The following SLC30A7 variants were observed in gnomAD, a reference collection of about 807,000 sequenced individuals.
SLC30A7 encodes solute carrier family 30 member 7.
SLC30A7 carries 35 observed loss-of-function variants against 46.0 expected under a neutral mutation model. The observed-to-expected ratio is 0.76, with a 90% CI of 0.58 to 1.01. SLC30A7 has a LOEUF of 1.01. SLC30A7 is among the 50% of genes least tolerant of loss of function. SLC30A7 has a pLI of 0.00. For synonymous variants in SLC30A7, 147 were observed against 157.8 expected, an observed-to-expected ratio of 0.93 and a Z score of 0.51; for missense variants, 464 against 451.1, an observed-to-expected ratio of 1.03 and a Z score of -0.26.
Position 100,955,504 on chromosome 1 carries a change from C to A in SLC30A7, c.843-6324C>A, listed in dbSNP as rs1432437359. The stretch of plus-strand genomic sequence containing the variant: ...TTTTATTTATGATAGGGAAATGGTG[C>A]TTCATTGTGAATGCTAGAATTGGGT... On this transcript the variant is annotated intron_variant, in intron 8 of 10. Transcript: ENST00000357650. Among the ~76,000 whole-genome samples the A allele has an allele frequency of 2.0e-5, 3 of 152,158 alleles. No individual in the cohort carries two copies. The East Asian group carries it at 5.8e-4, about 29-fold the overall frequency.
Position 100,975,058 on chromosome 1 carries a change from C to T in SLC30A7, c.*201C>T. On this transcript the variant is annotated 3_prime_UTR_variant, in exon 11 of 11. Coordinates refer to ENST00000357650, the MANE Select transcript of SLC30A7 (RefSeq NM_133496.5). ...CAGATTTAAGAGGATATCTCCTGGA[C>T]TTTTGGTCTTTTCTTTTGTGCTCTT... The T allele has an allele frequency of 2.5e-6, 1 of 396,530 alleles. No individual in the cohort carries two copies. The allele number at this position is 396,530 out of a possible 1,614,324, so 24.6% of individuals were successfully genotyped here. A position where few individuals can be genotyped will look rare whatever the true frequency, so the allele number is the denominator to read the frequency against.
chr1:100,972,182 C>A, intron 10 of SLC30A7: 1 of 224,384 alleles, frequency 4.5e-6, no homozygotes, highest in Admixed American at 5.9e-5. Context: ...TCTGTCATGT[C>A]TTTGTGATGT....
intron 10 of SLC30A7, among the ~76,000 whole-genome samples, chr1:100,974,577 G>C (rs139854248): frequency 6.6e-6 from 1 of 152,096 alleles, no homozygotes; most frequent in Non-Finnish European, 1.5e-5. Flanking sequence ...GTATCACCTG[G>C]ATATCTGGAT....
intron 2 of SLC30A7, among the ~76,000 whole-genome samples, chr1:100,899,857 A>C (rs1190718125): frequency 1.3e-5 from 2 of 151,806 alleles, no homozygotes. Flanking sequence ...ATGCTAACAC[A>C]CAATGCTTTC....
At chr1:100,951,315 G>T (rs11582211) in intron 8 of SLC30A7, among the ~76,000 whole-genome samples, 1 of 151,784 alleles carries the variant, frequency 6.6e-6, no homozygotes, top group Non-Finnish European at 1.5e-5. Context: ...ACAAATAACA[G>T]CGAAAAAGGG....
intron 8 of SLC30A7, among the ~76,000 whole-genome samples, chr1:100,935,988 A>G (rs774548861): frequency 1.1e-4 from 16 of 152,218 alleles, no homozygotes; most frequent in Non-Finnish European, 2.2e-4. Context: ...CAGAGAAGCC[A>G]TAAAACTATA....
chr1:100,951,929 G>A (rs558872055), intron 8 of SLC30A7, among the ~76,000 whole-genome samples: 84 of 152,178 alleles, frequency 5.5e-4, no homozygotes, highest in Non-Finnish European at 9.3e-4. Context: ...TATCCAAGTG[G>A]GCCCAATATA....
chr1:100,991,604 T>C, the SLC30A7 span, among the ~76,000 whole-genome samples: 34 of 151,898 alleles, frequency 2.2e-4, no homozygotes, highest in Admixed American at 3.9e-4. Context: ...CTGGGCAACA[T>C]GGTGAAACCC....
At chr1:100,970,287 T>C (rs563802975) in intron 10 of SLC30A7, among the ~76,000 whole-genome samples, 1 of 152,280 alleles carries the variant, frequency 6.6e-6, no homozygotes, top group East Asian at 1.9e-4. Context: ...GTTAAAACTT[T>C]TATGAGGATA....
At chr1:100,944,072 G>A (rs1557997224) in intron 8 of SLC30A7, among the ~76,000 whole-genome samples, 1 of 152,130 alleles carries the variant, frequency 6.6e-6, no homozygotes, top group Non-Finnish European at 1.5e-5. Context: ...ATTTTTTCGA[G>A]ACAGGGTCTG....
At position 100,909,033 on chromosome 1, in the gene SLC30A7, T is replaced by G. The variant is rs544581383; in HGVS notation, c.297-2030T>G. ...TCTTTCCACCTTTAATTTAATCCTCTCCTCTCTTTATGTGTGTGTGTGTGT... is the reference window on the plus strand; with the variant it reads ...TCTTTCCACCTTTAATTTAATCCTCGCCTCTCTTTATGTGTGTGTGTGTGT... On this transcript the variant is annotated intron_variant, in intron 3 of 10. Transcript: ENST00000357650. Among the ~76,000 whole-genome samples the G allele has an allele frequency of 4.1e-5, 6 of 145,070 alleles. No homozygotes were observed. In the South Asian group the frequency reaches 1.3e-3, roughly 32 times the overall value.
Position 100,965,786 on chromosome 1 carries a change from A to G in SLC30A7, c.951A>G (p.Gly317=), listed in dbSNP as rs757205756. 8 of 1,613,754 alleles carry G rather than the reference A, an allele frequency of 5.0e-6. No homozygotes were observed. Among genetic ancestry groups the G allele is most frequent in the Non-Finnish European group, 6.8e-6 (8 of 1,179,734 alleles). Residue 317 remains glycine (G), a synonymous_variant, in exon 10 of 11, where the codon GGA becomes GGG. Coordinates refer to ENST00000357650, the MANE Select transcript of SLC30A7 (RefSeq NM_133496.5). The part of the protein sequence containing the change: ...QCYQRVQQLQ[G]VYSLQEQHFW... ...TATTTCAGGTACAGCAGTTGCAAGGAGTTTACAGTTTACAGGAACAGCACT... is the reference window on the plus strand; with the variant it reads ...TATTTCAGGTACAGCAGTTGCAAGGGGTTTACAGTTTACAGGAACAGCACT...
rs571141068 is a variant in SLC30A7, at chr1:100,933,992, T to G, written c.842+12151T>G. Among the ~76,000 whole-genome samples the G allele has an allele frequency of 5.3e-5, 8 of 152,374 alleles. No individual in the cohort carries two copies. The East Asian group carries it at 1.3e-3, about 26-fold the overall frequency. Reference sequence around the variant, plus strand: ...TTCATAAATGGTGGCATAGTGTATCTCTATATACATACGTGTACATACCAG... The same window carrying G: ...TTCATAAATGGTGGCATAGTGTATCGCTATATACATACGTGTACATACCAG... On this transcript the variant is annotated intron_variant, in intron 8 of 10. Transcript: ENST00000357650.
intron 8 of SLC30A7, among the ~76,000 whole-genome samples, chr1:100,940,021 GA>G (rs1654250197): frequency 6.6e-6 from 1 of 152,078 alleles, no homozygotes; most frequent in Non-Finnish European, 1.5e-5. Context: ...GTAAATCCTG[GA>G]AAAGAAGATG....
chr1:100,941,190 T>C (rs757256674), intron 8 of SLC30A7: 13 of 372,572 alleles, frequency 3.5e-5, no homozygotes, highest in Non-Finnish European at 5.7e-5. Flanking sequence ...GCCAAGATCA[T>C]TGTAGCTTTC....
intron 10 of SLC30A7, among the ~76,000 whole-genome samples, chr1:100,969,806 T>C (rs1347061571): frequency 6.6e-6 from 1 of 152,178 alleles, no homozygotes; most frequent in Non-Finnish European, 1.5e-5. Flanking sequence ...GTCACCCTAC[T>C]AATGACTTTC....
intron 7 of SLC30A7, among the ~76,000 whole-genome samples, chr1:100,921,259 C>G (rs975405545): frequency 4.6e-5 from 7 of 151,980 alleles, no homozygotes; most frequent in African/African-American, 1.7e-4. Flanking sequence ...ATTGTAGTCC[C>G]AAATGGTAAT....
At chr1:100,916,857 A>G (rs999554473) in intron 6 of SLC30A7, among the ~76,000 whole-genome samples, 1 of 152,152 alleles carries the variant, frequency 6.6e-6, no homozygotes, top group Non-Finnish European at 1.5e-5. Flanking sequence ...AAGTGAGAAC[A>G]TGCAATGTTT....
At chr1:100,992,800 A>T in the SLC30A7 span, 4 of 1,173,986 alleles carry the variant, frequency 3.4e-6, no homozygotes, top group African/African-American at 4.5e-5. Flanking sequence ...ATATGTTATT[A>T]ATGCAATTAG....
Sources: gnomAD v4.1 joint callset for allele counts (sites outside exome capture counted in the v4.1 genomes callset) on GRCh38, gnomAD v4.1.1 for gene constraint, MANE v1.5 for transcripts, NCBI Gene and HGNC (gene_info 2026-07-23, HGNC 2026-07-21) for gene names.